The following ENAH variants were observed in gnomAD, a reference collection of about 807,000 sequenced individuals.
ENAH encodes the protein protein enabled homolog.
Under a neutral mutation model 78.7 loss-of-function variants are expected in ENAH, and 23 were observed. That is an observed-to-expected ratio of 0.29 (90% CI 0.21 to 0.41). The LOEUF is 0.41. Ranked by LOEUF, ENAH falls within the 10% of genes least tolerant of loss-of-function variation. The probability of loss-of-function intolerance (pLI) is 1.00; values close to 1 mark genes in which losing one functional copy is unlikely to be tolerated. For synonymous variants in ENAH, 226 were observed against 241.0 expected (o/e 0.94, Z 0.58); for missense variants, 544 against 691.0 (o/e 0.79, Z 2.39).
At chr1:225,498,795 G>A (rs2096264420) in intron 12 of ENAH, among the ~76,000 whole-genome samples, 1 of 152,202 alleles carries the variant, frequency 6.6e-6, no homozygotes, top group Admixed American at 6.5e-5. Context: ...CTGAAAAACT[G>A]GCTCTTGGCA....
chr1:225,566,657 T>C (rs1231150438), intron 2 of ENAH, among the ~76,000 whole-genome samples: 2 of 152,224 alleles, frequency 1.3e-5, no homozygotes, highest in East Asian at 1.9e-4. Context: ...CCTTTTCCTC[T>C]ATCTACTGCT....
At chr1:225,562,464 C>G (rs2096711287) in intron 2 of ENAH, among the ~76,000 whole-genome samples, 1 of 147,656 alleles carries the variant, frequency 6.8e-6, no homozygotes, top group African/African-American at 2.5e-5. Flanking sequence ...CCCAGCTGCT[C>G]GGGAGGCTGA....
At chr1:225,513,978 A>G (rs1575354477) in intron 7 of ENAH, among the ~76,000 whole-genome samples, 1 of 152,010 alleles carries the variant, frequency 6.6e-6, no homozygotes, top group Non-Finnish European at 1.5e-5. Flanking sequence ...AACAAGAGTG[A>G]AACTCCGTCT....
Position 225,497,605 on chromosome 1 carries a change from G to C in ENAH, c.*170C>G. The C allele has an allele frequency of 2.0e-6, 1 of 489,878 alleles. No individual in the cohort carries two copies. Among genetic ancestry groups the C allele is most frequent in the Non-Finnish European group, 3.6e-6 (1 of 276,954 alleles). 30.3% of individuals were successfully genotyped at this position (489,878 alleles called of 1,614,324 possible). On this transcript the variant is annotated 3_prime_UTR_variant, in exon 14 of 14. Coordinates refer to ENST00000366843, the MANE Select transcript of ENAH (RefSeq NM_018212.6). ...CGGAGAGGGAAAGAGCTTATCACCA[G>C]AGTCATAATGTCTGAAGGCTTTCAG...
At chr1:225,650,497 T>C (rs74147623) in intron 1 of ENAH, among the ~76,000 whole-genome samples, 56 of 152,328 alleles carry the variant, frequency 3.7e-4, no homozygotes, top group African/African-American at 1.3e-3. Flanking sequence ...CCCAAAACGG[T>C]AACTTTTTTT....
At chr1:225,612,606 C>T (rs764377076) in intron 1 of ENAH, among the ~76,000 whole-genome samples, 2 of 152,078 alleles carry the variant, frequency 1.3e-5, no homozygotes, top group Non-Finnish European at 2.9e-5. Flanking sequence ...CATTTTCCCA[C>T]AGCAAAAAAA....
At chr1:225,540,151 AG>A (rs2096582403) in intron 3 of ENAH, among the ~76,000 whole-genome samples, 1 of 152,342 alleles carries the variant, frequency 6.6e-6, no homozygotes, top group East Asian at 1.9e-4. Flanking sequence ...CAAAAGAAAG[AG>A]GGTTTGTTTT....
At chr1:225,608,815 C>CAAAAAAAAAAAAAAAA (rs928281132) in intron 1 of ENAH, among the ~76,000 whole-genome samples, 1 of 20,660 alleles carries the variant, frequency 4.8e-5, no homozygotes, top group African/African-American at 1.7e-4. Context: ...GACTCTGTCT[C>CAAAAAAAAAAAAAAAA]AAAAAAAAAA....
chr1:225,609,900 G>C (rs1245015225), intron 1 of ENAH, among the ~76,000 whole-genome samples: 2 of 151,954 alleles, frequency 1.3e-5, no homozygotes, highest in East Asian at 3.8e-4. Context: ...CTGGCCTCAA[G>C]TGATCCGCCT....
At chr1:225,637,671 T>C (rs1249142018) in intron 1 of ENAH, among the ~76,000 whole-genome samples, 1 of 152,142 alleles carries the variant, frequency 6.6e-6, no homozygotes, top group East Asian at 1.9e-4. Flanking sequence ...TCATCTTAAA[T>C]TATAAACATC....
chr1:225,611,018 T>C (rs920875410), intron 1 of ENAH, among the ~76,000 whole-genome samples: 1 of 152,150 alleles, frequency 6.6e-6, no homozygotes, highest in African/African-American at 2.4e-5. Flanking sequence ...TTCACATGAG[T>C]ACAAAAGCAG....
At chr1:225,580,892 C>T (rs114558665) in intron 1 of ENAH, among the ~76,000 whole-genome samples, 6,164 of 137,194 alleles carry the variant, frequency 0.045, 211 homozygotes, top group South Asian at 0.11. Flanking sequence ...CAGGGCGAGA[C>T]TCTGTCTCAA....
chr1:225,570,474 C>G (rs2096756098), intron 1 of ENAH, among the ~76,000 whole-genome samples: 1 of 151,756 alleles, frequency 6.6e-6, no homozygotes, highest in African/African-American at 2.4e-5. Context: ...TCCTTCTCCT[C>G]TCCCACCTTA....
At chr1:225,518,332 G>A (rs1041378862) in intron 5 of ENAH, among the ~76,000 whole-genome samples, 1 of 151,806 alleles carries the variant, frequency 6.6e-6, no homozygotes, top group South Asian at 2.1e-4. Context: ...CACATGAATA[G>A]GACCATAAAC....
rs932221491 is a variant in ENAH, at chr1:225,500,089, T to C, written c.1617+903A>G. Among the ~76,000 whole-genome samples, 7 of 152,312 alleles carry C rather than the reference T, an allele frequency of 4.6e-5. No homozygotes were observed. In the South Asian group the frequency reaches 1.5e-3, roughly 32 times the overall value. The stretch of plus-strand genomic sequence containing the variant: ...TGTGGAAGTGCTCTATTTTAAAATA[T>C]TTTTCAAGAAAGCCATATTCAGTAC... On this transcript the variant is annotated intron_variant, in intron 12 of 13. Transcript: ENST00000366843.
chr1:225,644,797 A>T (rs1458411679), intron 1 of ENAH, among the ~76,000 whole-genome samples: 1 of 152,216 alleles, frequency 6.6e-6, no homozygotes, highest in Non-Finnish European at 1.5e-5. Context: ...ACCACTGGAA[A>T]AGGGCTCAGT....
At chr1:225,647,253 C>T (rs1178985963) in intron 1 of ENAH, among the ~76,000 whole-genome samples, 1 of 152,000 alleles carries the variant, frequency 6.6e-6, no homozygotes, top group Non-Finnish European at 1.5e-5. Flanking sequence ...AGAATCAAAA[C>T]AAAGCAAGCA....
intron 2 of ENAH, among the ~76,000 whole-genome samples, chr1:225,560,162 A>T (rs890394376): frequency 2.4e-4 from 37 of 151,650 alleles, no homozygotes; most frequent in Admixed American, 2.0e-3. Flanking sequence ...GAACCTAGGC[A>T]AATCTGAACT....
intron 4 of ENAH, chr1:225,524,458 TAAAAC>T (rs1397368986): frequency 3.4e-6 from 1 of 298,430 alleles, no homozygotes; most frequent in Admixed American, 6.5e-5. Context: ...TCTCAGAAAA[TAAAAC>T]TACACAGATA....
Sources: gnomAD v4.1 joint callset for allele counts (sites outside exome capture counted in the v4.1 genomes callset) on GRCh38, gnomAD v4.1.1 for gene constraint, MANE v1.5 for transcripts, NCBI Gene and HGNC (gene_info 2026-07-23, HGNC 2026-07-21) for gene names.